The following SLC44A5 variants were observed in gnomAD, a reference collection of about 807,000 sequenced individuals.
SLC44A5 encodes solute carrier family 44 member 5.
A neutral mutation model predicts 101.8 loss-of-function variants in SLC44A5; 57 were observed. The ratio of observed to expected loss-of-function variants is 0.56; its 90% CI spans 0.45 to 0.70. SLC44A5 has a LOEUF of 0.70. Ranked by LOEUF, SLC44A5 falls within the 30% of genes least tolerant of loss-of-function variation. The probability of loss-of-function intolerance (pLI) is 0.00; values close to 1 mark genes in which losing one functional copy is unlikely to be tolerated. For missense variants in SLC44A5, 737 were observed against 853.1 expected (o/e 0.86, Z 1.70); for synonymous variants, 281 against 290.9 (o/e 0.97, Z 0.35).
the SLC44A5 span, among the ~76,000 whole-genome samples, chr1:75,652,263 AC>A: frequency 6.6e-6 from 1 of 152,008 alleles, no homozygotes; most frequent in Non-Finnish European, 1.5e-5. Flanking sequence ...AACATATAAA[AC>A]CCTAAGTCAA....
chr1:75,685,739 A>G, the SLC44A5 span, among the ~76,000 whole-genome samples: 3 of 152,172 alleles, frequency 2.0e-5, no homozygotes, highest in Non-Finnish European at 4.4e-5. Flanking sequence ...CTGTTCCAAC[A>G]TCTGTCTGTT....
rs558745165 is a variant in SLC44A5, at chr1:75,481,357, A to G, written c.13+60078T>C. 3.3e-4 allele frequency among the ~76,000 whole-genome samples: 51 copies of G among 152,242 alleles called. 2 individuals are homozygous for G. The South Asian group carries it at 7.0e-3, about 21-fold the overall frequency. On this transcript the variant is annotated intron_variant, in intron 2 of 23. Coordinates refer to ENST00000370859, the MANE Select transcript of SLC44A5 (RefSeq NM_001130058.2). The stretch of plus-strand genomic sequence containing the variant: ...ACATAGGCATGGGCAAGGACTTCAT[A>G]TCTAAAACACCAAAAGCAATGGCAA...
intron 2 of SLC44A5, among the ~76,000 whole-genome samples, chr1:75,484,612 G>A (rs1278434641): frequency 6.6e-6 from 1 of 152,210 alleles, no homozygotes. Flanking sequence ...AGGGTCTGGA[G>A]GATGGTGGCC....
chr1:75,365,819 G>A (rs536274259), intron 3 of SLC44A5, among the ~76,000 whole-genome samples: 1 of 152,016 alleles, frequency 6.6e-6, no homozygotes, highest in East Asian at 1.9e-4. Context: ...TTTTTCCTCT[G>A]TTGTTACCAG....
intron 2 of SLC44A5, among the ~76,000 whole-genome samples, chr1:75,403,947 C>A (rs537804893): frequency 1.3e-5 from 2 of 151,990 alleles, no homozygotes; most frequent in African/African-American, 2.4e-5. Context: ...AACTAAGAAC[C>A]TTGCAAAAAA....
intron 2 of SLC44A5, among the ~76,000 whole-genome samples, chr1:75,536,833 C>T (rs1403571394): frequency 3.6e-5 from 5 of 140,702 alleles, no homozygotes; most frequent in African/African-American, 1.0e-4. Flanking sequence ...GGTGAAACCC[C>T]GTCTCTACTA....
chr1:75,313,023 A>G (rs565744364), intron 4 of SLC44A5, among the ~76,000 whole-genome samples: 5 of 152,318 alleles, frequency 3.3e-5, no homozygotes, highest in African/African-American at 9.6e-5. Flanking sequence ...CAAAAGTTCT[A>G]TCTCAGTTAG....
chr1:75,671,116 A>C, the SLC44A5 span, among the ~76,000 whole-genome samples: 1 of 152,180 alleles, frequency 6.6e-6, no homozygotes, highest in Non-Finnish European at 1.5e-5. Context: ...AGGCAGATTT[A>C]GGAGTGGTTT....
intron 2 of SLC44A5, among the ~76,000 whole-genome samples, chr1:75,452,927 C>T (rs972899498): frequency 1.3e-5 from 2 of 152,030 alleles, no homozygotes; most frequent in Non-Finnish European, 2.9e-5. Context: ...ACTTAAACAG[C>T]CACATAATAG....
chr1:75,283,798 T>C (rs1652817954), intron 5 of SLC44A5, among the ~76,000 whole-genome samples: 1 of 152,126 alleles, frequency 6.6e-6, no homozygotes, highest in African/African-American at 2.4e-5. Context: ...CGAAGATCAG[T>C]TGGCTGTAAG....
chr1:75,231,235 G>C (rs899732941), intron 12 of SLC44A5, among the ~76,000 whole-genome samples: 1 of 152,104 alleles, frequency 6.6e-6, no homozygotes, highest in Admixed American at 6.6e-5. Flanking sequence ...TAAGTCTCCC[G>C]ATCCCAGCAC....
intron 4 of SLC44A5, among the ~76,000 whole-genome samples, chr1:75,311,118 T>G (rs1655262351): frequency 9.7e-6 from 1 of 103,088 alleles, no homozygotes; most frequent in African/African-American, 3.2e-5. Flanking sequence ...AATAGCATCT[T>G]TTTTTTTTTT....
At chr1:75,653,855 C>T in the SLC44A5 span, among the ~76,000 whole-genome samples, 1 of 152,184 alleles carries the variant, frequency 6.6e-6, no homozygotes, top group East Asian at 1.9e-4. Context: ...CACATGAAAG[C>T]ACCTACAATG....
At position 75,233,982 on chromosome 1, in the gene SLC44A5, C is replaced by G. The variant is rs376200353; in HGVS notation, c.853+4G>C. 11 of 1,586,826 alleles carry G rather than the reference C, an allele frequency of 6.9e-6. No homozygotes were observed. Among genetic ancestry groups the G allele is most frequent in the South Asian group, 1.1e-5 (1 of 90,170 alleles). On this transcript the variant is annotated splice_donor_region_variant and intron_variant, in intron 12 of 23. Transcript: ENST00000370859. ...TTGATAATTTGAAGAGGAGTGATAC[C>G]TACCATAACCTATAATTCCAATCAC...
chr1:75,251,327 A>G, intron 6 of SLC44A5, 33 bp from the exon 7 acceptor site: 1 of 1,550,472 alleles, frequency 6.4e-7, no homozygotes, highest in Non-Finnish European at 8.9e-7. Flanking sequence ...CTTTTTAGTG[A>G]CCATGGAAAT....
the SLC44A5 span, among the ~76,000 whole-genome samples, chr1:75,695,793 G>T: frequency 2.0e-5 from 3 of 147,802 alleles, no homozygotes; most frequent in Admixed American, 6.8e-5. Context: ...ATGATACTAT[G>T]TATACTGTAT....
chr1:75,256,008 T>C (rs1649990187), intron 6 of SLC44A5, among the ~76,000 whole-genome samples: 1 of 152,072 alleles, frequency 6.6e-6, no homozygotes. Flanking sequence ...TTTAGGAAGG[T>C]AATTGAGAAT....
chr1:75,575,559 G>A (rs923714460), intron 1 of SLC44A5, among the ~76,000 whole-genome samples: 4 of 152,132 alleles, frequency 2.6e-5, no homozygotes, highest in South Asian at 2.1e-4. Context: ...GAAATTTAGC[G>A]CAGATCATGC....
the SLC44A5 span, among the ~76,000 whole-genome samples, chr1:75,644,608 C>T: frequency 6.7e-6 from 1 of 150,066 alleles, no homozygotes; most frequent in Non-Finnish European, 1.5e-5. Flanking sequence ...AAAAGCCTAA[C>T]AAATTTATTC....
Sources: gnomAD v4.1 joint callset for allele counts (sites outside exome capture counted in the v4.1 genomes callset) on GRCh38, gnomAD v4.1.1 for gene constraint, MANE v1.5 for transcripts, NCBI Gene and HGNC (gene_info 2026-07-23, HGNC 2026-07-21) for gene names.